Variants in RBBP8 observed in about 807,000 individuals in gnomAD.
RBBP8 encodes the protein DNA endonuclease RBBP8.
Under a neutral mutation model 108.3 loss-of-function variants are expected in RBBP8, and 88 were observed. The ratio of observed to expected loss-of-function variants is 0.81; its 90% CI spans 0.68 to 0.97. The LOEUF is 0.97. Among genes scored for constraint, RBBP8 ranks in the 50% least tolerant of loss-of-function variants. The pLI is 0.00. For missense variants in RBBP8, 1,023 were observed against 1,049.0 expected (o/e 0.98, Z 0.34); for synonymous variants, 332 against 348.2 (o/e 0.95, Z 0.52).
In RBBP8 at chr18:23,018,403, T is replaced by C. The variant is rs374056269; in HGVS notation, c.2454+1479T>C. Among the ~76,000 whole-genome samples, 11 of 152,216 alleles carry C rather than the reference T, an allele frequency of 7.2e-5. No individual in the cohort carries two copies. The East Asian group carries it at 1.7e-3, about 24-fold the overall frequency. On this transcript the variant is annotated intron_variant, in intron 17 of 18. Transcript: ENST00000327155. Reference sequence around the variant, plus strand: ...TAATGAATAAATACTTAAACACTTATATTTTTCCTTTTATACATTGGCTGT... The same window carrying C: ...TAATGAATAAATACTTAAACACTTACATTTTTCCTTTTATACATTGGCTGT...
At chr18:23,001,917 A>T (rs978550322) in intron 15 of RBBP8, among the ~76,000 whole-genome samples, 188 bp downstream of exon 15, 4 of 152,206 alleles carry the variant, frequency 2.6e-5, no homozygotes, top group African/African-American at 7.2e-5. Flanking sequence ...AAAATTTTTC[A>T]GCATTCTCCT....
At position 22,999,401 on chromosome 18, in the gene RBBP8, CT is replaced by C. The variant is rs1288573909; in HGVS notation, c.2143+1669del. Among the ~76,000 whole-genome samples, 3 of 152,128 alleles carry C rather than the reference CT, an allele frequency of 2.0e-5. No homozygotes were observed. In the East Asian group the frequency reaches 5.8e-4, roughly 29 times the overall value. The stretch of plus-strand genomic sequence containing the variant: ...GGCATCTCCTCATTTACTCTCAGGG[CT>C]TATTCACTTAGGCTCATTTGAGCTT... On this transcript the variant is annotated intron_variant, in intron 14 of 18. Transcript: ENST00000327155.
At chr18:22,944,912 A>G (rs1417955825) in intron 2 of RBBP8, among the ~76,000 whole-genome samples, 1 of 152,164 alleles carries the variant, frequency 6.6e-6, no homozygotes, top group Non-Finnish European at 1.5e-5. Flanking sequence ...TAAAATTTGT[A>G]TTTGTCTAAA....
intron 4 of RBBP8, among the ~76,000 whole-genome samples, chr18:22,959,845 T>C (rs1309301715): frequency 1.4e-5 from 2 of 147,668 alleles, no homozygotes; most frequent in Non-Finnish European, 3.0e-5. Context: ...TTTTGTGTGG[T>C]AAAAATCTAT....
At chr18:23,008,273 G>A (rs1463571908) in intron 16 of RBBP8, among the ~76,000 whole-genome samples, 1 of 151,944 alleles carries the variant, frequency 6.6e-6, no homozygotes, top group Non-Finnish European at 1.5e-5. Context: ...TTGGTAAATT[G>A]AGTTACTCAG....
chr18:22,944,245 A>G (rs1243380944), intron 2 of RBBP8, among the ~76,000 whole-genome samples: 1 of 152,218 alleles, frequency 6.6e-6, no homozygotes, highest in Admixed American at 6.5e-5. Context: ...TGACAGAACA[A>G]ATGCCTCACA....
chr18:22,927,208 C>G (rs1228443991), intron 3 of RBBP8, among the ~76,000 whole-genome samples: 1 of 152,166 alleles, frequency 6.6e-6, no homozygotes, highest in East Asian at 1.9e-4. Flanking sequence ...CCCCAGTTTA[C>G]CAGTATTGTG....
chr18:22,926,144 T>C (rs1364318922), intron 3 of RBBP8, among the ~76,000 whole-genome samples: 1 of 152,162 alleles, frequency 6.6e-6, no homozygotes, highest in Non-Finnish European at 1.5e-5. Flanking sequence ...ATCATTTTGC[T>C]GGCTGCGGTG....
chr18:23,013,087 T>C (rs1456537772), intron 16 of RBBP8, among the ~76,000 whole-genome samples: 1 of 152,102 alleles, frequency 6.6e-6, no homozygotes, highest in Non-Finnish European at 1.5e-5. Context: ...AAAAAAGATA[T>C]CCTTTCAAAA....
chr18:23,023,079 C>A (rs913177161), intron 18 of RBBP8, among the ~76,000 whole-genome samples: 1 of 151,408 alleles, frequency 6.6e-6, no homozygotes, highest in African/African-American at 2.4e-5. Context: ...TTTTTTCCCC[C>A]TAGAGACAGG....
chr18:22,985,818 G>A (rs1185028948), intron 8 of RBBP8, among the ~76,000 whole-genome samples: 3 of 152,138 alleles, frequency 2.0e-5, no homozygotes, highest in African/African-American at 4.8e-5. Context: ...GTCATCAGCA[G>A]GTAGATGGCA....
At chr18:22,924,533 C>T (rs962389847) in intron 3 of RBBP8, among the ~76,000 whole-genome samples, 1 of 150,910 alleles carries the variant, frequency 6.6e-6, no homozygotes, top group African/African-American at 2.4e-5. Flanking sequence ...GAGATCTTCC[C>T]GCTTCAGCCT....
At chr18:22,996,309 A>T in intron 12 of RBBP8, 65 bp from the exon 13 acceptor site, 7 of 1,595,688 alleles carry the variant, frequency 4.4e-6, no homozygotes, top group Non-Finnish European at 6.0e-6. Flanking sequence ...GTCCCATAAT[A>T]TTTTAAAGTG....
chr18:22,955,615 T>C (rs1912457460), intron 4 of RBBP8, among the ~76,000 whole-genome samples: 1 of 151,280 alleles, frequency 6.6e-6, no homozygotes, highest in South Asian at 2.1e-4. Context: ...TCTTGCTCTG[T>C]CACCCAGGCT....
At position 22,993,345 on chromosome 18, in the gene RBBP8, C is replaced by G. The variant is rs746625569; in HGVS notation, c.1518C>G (p.Ser506Arg). 2 of 1,614,074 alleles carry G rather than the reference C, an allele frequency of 1.2e-6. No individual in the cohort carries two copies. The highest frequency in any genetic ancestry group is 1.7e-6 in the Non-Finnish European group (2 of 1,180,046). ...RFSAIQRQEK[S>R]QGSETSKNKF... ...CAGCTATTCAGCGTCAAGAGAAAAG[C>G]CAAGGAAGTGAGACTTCTAAAAACA... The change falls in exon 11 of 19, where the codon AGC (serine) becomes AGG (arginine). Residue 506 changes from serine to arginine, a missense_variant. Transcript: ENST00000327155.
At chr18:22,943,166 G>C (rs1024091315) in intron 2 of RBBP8, among the ~76,000 whole-genome samples, 1 of 151,282 alleles carries the variant, frequency 6.6e-6, no homozygotes. Context: ...TAAGAATGCT[G>C]TCAGGCTGGG....
chr18:23,001,210 A>G (rs1356366090), intron 14 of RBBP8, among the ~76,000 whole-genome samples: 1 of 152,248 alleles, frequency 6.6e-6, no homozygotes, highest in African/African-American at 2.4e-5. Flanking sequence ...TATCTTTTAC[A>G]TACGTGTCTA....
intron 16 of RBBP8, among the ~76,000 whole-genome samples, chr18:23,016,075 A>T (rs925698935): frequency 1.3e-5 from 2 of 151,888 alleles, no homozygotes; most frequent in African/African-American, 4.8e-5. Flanking sequence ...ACACCCAACT[A>T]ATTTTTGTAT....
At chr18:22,982,731 T>C (rs1453445584) in intron 7 of RBBP8, among the ~76,000 whole-genome samples, 1 of 152,246 alleles carries the variant, frequency 6.6e-6, no homozygotes, top group African/African-American at 2.4e-5. Flanking sequence ...AATTTCTACC[T>C]CCTGTGTACC....
Sources: allele counts gnomAD v4.1 joint callset (sites outside exome capture counted in the v4.1 genomes callset), GRCh38; gene constraint gnomAD v4.1.1; transcripts MANE v1.5; gene names NCBI Gene and HGNC (gene_info 2026-07-23, HGNC 2026-07-21).